The following SYNDIG1L variants were observed in gnomAD, a reference collection of about 807,000 sequenced individuals.
SYNDIG1L encodes the protein synapse differentiation inducing 1 like, also known as synapse differentiation-inducing gene protein 1-like.
Under a neutral mutation model 20.1 loss-of-function variants are expected in SYNDIG1L, and 13 were observed. That is an observed-to-expected ratio of 0.65 (90% confidence interval 0.42 to 1.03). The LOEUF is 1.03. Among genes scored for constraint, SYNDIG1L ranks in the 50% least tolerant of loss-of-function variants. SYNDIG1L has a pLI of 0.00. For missense variants in SYNDIG1L, 294 were observed against 305.1 expected, an observed-to-expected ratio of 0.96 and a Z score of 0.27; for synonymous variants, 128 against 129.3, an observed-to-expected ratio of 0.99 and a Z score of 0.07.
At chr14:74,418,951 G>A (rs748145744) in intron 1 of SYNDIG1L, among the ~76,000 whole-genome samples, 4 of 152,206 alleles carry the variant, frequency 2.6e-5, no homozygotes, top group Admixed American at 6.5e-5. Flanking sequence ...ACCCTCCGAA[G>A]TCGTGAAGTA....
At chr14:74,449,857 G>T in the SYNDIG1L span, among the ~76,000 whole-genome samples, 2 of 151,718 alleles carry the variant, frequency 1.3e-5, no homozygotes, top group Admixed American at 1.3e-4. Flanking sequence ...AAAATAAATA[G>T]AAGAAAGGAA....
intron 1 of SYNDIG1L, among the ~76,000 whole-genome samples, chr14:74,421,768 G>A (rs1041024556): frequency 6.6e-6 from 1 of 152,190 alleles, no homozygotes; most frequent in African/African-American, 2.4e-5. Context: ...GGGAAGAAGA[G>A]AGAACAGAAA....
chr14:74,412,653 C>T (rs1351320308), intron 1 of SYNDIG1L, among the ~76,000 whole-genome samples: 2 of 152,190 alleles, frequency 1.3e-5, no homozygotes, highest in Admixed American at 1.3e-4. Flanking sequence ...ACCATAGCCC[C>T]TTGAGCAGGT....
the SYNDIG1L span, among the ~76,000 whole-genome samples, chr14:74,432,148 T>G: frequency 7.9e-6 from 1 of 126,048 alleles, no homozygotes; most frequent in African/African-American, 3.2e-5. Flanking sequence ...AAGGTGTGTG[T>G]GTGTGTGTGT....
chr14:74,458,041 C>T, the SYNDIG1L span, among the ~76,000 whole-genome samples: 7 of 152,172 alleles, frequency 4.6e-5, no homozygotes, highest in East Asian at 1.4e-3. Flanking sequence ...CTCAAGTGAT[C>T]CTCCCGCCTC....
chr14:74,437,402 T>C, the SYNDIG1L span, among the ~76,000 whole-genome samples: 13 of 152,240 alleles, frequency 8.5e-5, no homozygotes, highest in African/African-American at 3.1e-4. Flanking sequence ...TGACCAGGGC[T>C]GGAAGAAGTC....
At chr14:74,450,142 G>T in the SYNDIG1L span, among the ~76,000 whole-genome samples, 1 of 152,030 alleles carries the variant, frequency 6.6e-6, no homozygotes, top group African/African-American at 2.4e-5. Flanking sequence ...TTCCTTAAAA[G>T]ACACAAGTAC....
chr14:74,472,924 G>A, the SYNDIG1L span, among the ~76,000 whole-genome samples: 1 of 152,148 alleles, frequency 6.6e-6, no homozygotes, highest in Non-Finnish European at 1.5e-5. Flanking sequence ...GAGGAGGGGG[G>A]CGGAATTCTA....
chr14:74,411,041 T>C (rs550700170), intron 1 of SYNDIG1L, among the ~76,000 whole-genome samples: 1 of 152,236 alleles, frequency 6.6e-6, no homozygotes, highest in African/African-American at 2.4e-5. Context: ...AAGTGGGGTA[T>C]GGAGAGAGGC....
the SYNDIG1L span, among the ~76,000 whole-genome samples, chr14:74,451,984 T>TAAAAA: frequency 1.5e-5 from 1 of 65,274 alleles, no homozygotes; most frequent in African/African-American, 6.5e-5. Context: ...AGACTTTGTC[T>TAAAAA]AAAAAAAAAA....
intron 2 of SYNDIG1L, among the ~76,000 whole-genome samples, chr14:74,409,052 ATTT>A (rs2086108473): frequency 7.4e-6 from 1 of 135,876 alleles, no homozygotes; most frequent in African/African-American, 3.0e-5. Context: ...CTTGCATTTT[ATTT>A]ATTTATTTAT....
At chr14:74,430,471 T>C (rs1409594845), upstream of SYNDIG1L, among the ~76,000 whole-genome samples, 4 of 151,890 alleles carry the variant, frequency 2.6e-5, no homozygotes, top group African/African-American at 9.7e-5. Flanking sequence ...AGTCTCACTC[T>C]GTCACCCAGG....
At chr14:74,431,701 G>A in the SYNDIG1L span, among the ~76,000 whole-genome samples, 3 of 152,110 alleles carry the variant, frequency 2.0e-5, no homozygotes, top group African/African-American at 7.2e-5. Context: ...CCAAGGAATT[G>A]TGACATTTAA....
intron 1 of SYNDIG1L, among the ~76,000 whole-genome samples, chr14:74,424,181 C>A (rs1016733659): frequency 6.6e-6 from 1 of 152,098 alleles, no homozygotes; most frequent in Admixed American, 6.5e-5. Flanking sequence ...TTTAGGACAG[C>A]CTCAGAAAGC....
chr14:74,437,873 T>C, the SYNDIG1L span, among the ~76,000 whole-genome samples: 1 of 152,206 alleles, frequency 6.6e-6, no homozygotes, highest in Non-Finnish European at 1.5e-5. Context: ...CTGACAGCCC[T>C]ACTATAGGGC....
In SYNDIG1L at chr14:74,407,237, G is replaced by A. The variant is rs2139618228; in HGVS notation, c.*298C>T. The A allele has an allele frequency of 2.1e-6, 1 of 468,018 alleles. No individual in the cohort carries two copies. Among genetic ancestry groups the A allele is most frequent in the East Asian group, 4.2e-5 (1 of 23,650 alleles). 29.0% of individuals were successfully genotyped at this position (468,018 alleles called of 1,614,324 possible). On this transcript the variant is annotated 3_prime_UTR_variant, in exon 4 of 4. Transcript: ENST00000331628. The stretch of plus-strand genomic sequence containing the variant: ...GGGCAGGAGATCCTCTAGGGAATGG[G>A]CAGAATGGATGGAGCTAGGCCCTGC...
upstream of SYNDIG1L, among the ~76,000 whole-genome samples, chr14:74,426,506 A>G (rs922100044): frequency 1.2e-4 from 19 of 152,162 alleles, no homozygotes; most frequent in African/African-American, 4.1e-4. Flanking sequence ...GGCTTCTTGA[A>G]GCATTTTGGA....
chr14:74,407,450 CG>C lies in SYNDIG1L; in HGVS notation c.*84del. ...CTCTCACGGGATCATCTTCAGGGGC[CG>C]GGCCTTTCCATAGGGTCTGCAACTC... On this transcript the variant is annotated 3_prime_UTR_variant, in exon 4 of 4. Transcript: ENST00000331628. 6.4e-7 allele frequency: 1 copy of C among 1,571,248 alleles called. No individual in the cohort carries two copies. The highest frequency in any genetic ancestry group is 8.6e-7 in the Non-Finnish European group (1 of 1,156,710).
At chr14:74,455,529 C>T in the SYNDIG1L span, among the ~76,000 whole-genome samples, 1 of 151,964 alleles carries the variant, frequency 6.6e-6, no homozygotes, top group Non-Finnish European at 1.5e-5. Flanking sequence ...AAGTGATTCT[C>T]CTGCCTCAGT....
Sources: allele counts gnomAD v4.1 joint callset (sites outside exome capture counted in the v4.1 genomes callset), GRCh38; gene constraint gnomAD v4.1.1; transcripts MANE v1.5; gene names NCBI Gene and HGNC (gene_info 2026-07-23, HGNC 2026-07-21).